Variants in DNAH7 observed in about 807,000 individuals in gnomAD.
DNAH7 encodes dynein axonemal heavy chain 7.
DNAH7 carries 397 observed loss-of-function variants against 444.6 expected under a neutral mutation model. The observed-to-expected ratio is 0.89, with a 90% confidence interval of 0.82 to 0.97. DNAH7 has a LOEUF of 0.97. Ranked by LOEUF, DNAH7 falls within the 50% of genes least tolerant of loss-of-function variation. The pLI is 0.00. For missense variants in DNAH7, 4,902 were observed against 4,800.8 expected, an observed-to-expected ratio of 1.02 and a Z score of -0.62; for synonymous variants, 1,636 against 1,624.4, an observed-to-expected ratio of 1.01 and a Z score of -0.17.
chr2:195,773,131 C>G (rs543563550), intron 60 of DNAH7, among the ~76,000 whole-genome samples: 1 of 152,038 alleles, frequency 6.6e-6, no homozygotes, highest in African/African-American at 2.4e-5. Context: ...ATATCCTATA[C>G]AGTTACACAA....
At chr2:195,811,028 CATATT>C (rs892903765) in intron 51 of DNAH7, among the ~76,000 whole-genome samples, 7 of 152,112 alleles carry the variant, frequency 4.6e-5, no homozygotes, top group South Asian at 2.1e-4. Flanking sequence ...AAAGGTTAAT[CATATT>C]ATAAGTTCAG....
intron 19 of DNAH7, among the ~76,000 whole-genome samples, chr2:195,948,574 T>G (rs369082341): frequency 6.6e-6 from 1 of 152,224 alleles, no homozygotes; most frequent in Non-Finnish European, 1.5e-5. Context: ...CTTGTTTTTG[T>G]CAGGTTTGTC....
chr2:195,747,193 A>G (rs934539242), intron 63 of DNAH7, among the ~76,000 whole-genome samples: 13 of 151,936 alleles, frequency 8.6e-5, no homozygotes, highest in African/African-American at 3.1e-4. Context: ...CAGAAATACA[A>G]ACTACCATCA....
At chr2:195,989,348 A>G (rs1327411794) in intron 12 of DNAH7, among the ~76,000 whole-genome samples, 8 of 152,180 alleles carry the variant, frequency 5.3e-5, no homozygotes, top group Non-Finnish European at 1.0e-4. Flanking sequence ...TTGTCAACAC[A>G]TCATCTTTTG....
chr2:196,017,800 T>C (rs1695124393), intron 9 of DNAH7, among the ~76,000 whole-genome samples: 1 of 152,082 alleles, frequency 6.6e-6, no homozygotes, highest in South Asian at 2.1e-4. Context: ...AAAAATAACC[T>C]TCAGGTGGTC....
At chr2:195,880,895 G>C (rs571681523) in intron 36 of DNAH7, among the ~76,000 whole-genome samples, 25 of 152,146 alleles carry the variant, frequency 1.6e-4, no homozygotes, top group Admixed American at 1.0e-3. Flanking sequence ...CAAAAGGCTT[G>C]CATTTTCCTC....
At chr2:195,950,994 C>T (rs919383958) in intron 19 of DNAH7, among the ~76,000 whole-genome samples, 2 of 148,340 alleles carry the variant, frequency 1.3e-5, no homozygotes, top group African/African-American at 4.9e-5. Context: ...AACTTGTTTG[C>T]TCTTGGTTCT....
chr2:195,853,433 T>C lies in DNAH7; in HGVS notation c.8691A>G (p.Leu2897=), dbSNP rs938150437. The change falls in exon 46 of 65, where the codon CTA becomes CTG. Residue 2897 remains leucine, a synonymous_variant. Transcript: ENST00000312428. ...CAGTCAAGTTGATGTACAGCTGACCTAGCTCCAGAGCTGTGTGGCTCCATC... is the reference window on the plus strand; with the variant it reads ...CAGTCAAGTTGATGTACAGCTGACCCAGCTCCAGAGCTGTGTGGCTCCATC... ...KTRWSHTALE[L]GQLYINLTGD... 5.6e-6 allele frequency: 9 copies of C among 1,614,042 alleles called. No homozygotes were observed. The highest frequency in any genetic ancestry group is 5.5e-5 in the South Asian group (5 of 91,088).
chr2:195,937,064 A>C (rs1187850019), intron 19 of DNAH7, among the ~76,000 whole-genome samples: 1 of 152,182 alleles, frequency 6.6e-6, no homozygotes, highest in Admixed American at 6.6e-5. Flanking sequence ...TGAGAGAGAG[A>C]GAACACTGCC....
At chr2:195,934,035 G>T (rs1688882310) in intron 21 of DNAH7, among the ~76,000 whole-genome samples, 1 of 151,788 alleles carries the variant, frequency 6.6e-6, no homozygotes, top group Non-Finnish European at 1.5e-5. Flanking sequence ...AAAACTGAGT[G>T]CTCAATCTTT....
chr2:195,966,893 T>A (rs4588206), intron 17 of DNAH7, among the ~76,000 whole-genome samples: 49,228 of 151,770 alleles, frequency 0.32, 10,443 homozygotes, highest in African/African-American at 0.61. Context: ...CTGTTTTTTT[T>A]AAAAAAACCA....
At chr2:195,965,583 C>T (rs1442178049) in intron 17 of DNAH7, among the ~76,000 whole-genome samples, 1 of 152,058 alleles carries the variant, frequency 6.6e-6, no homozygotes, top group African/African-American at 2.4e-5. Flanking sequence ...AGCAGTGAAG[C>T]CATTGGGTCC....
At chr2:195,988,360 T>C (rs1693067044) in intron 12 of DNAH7, 131 bp from the exon 13 acceptor site, 3 of 783,514 alleles carry the variant, frequency 3.8e-6, no homozygotes, top group Non-Finnish European at 5.6e-6. Flanking sequence ...CTGTTTAACC[T>C]CTAATCTATA....
In DNAH7 at chr2:195,884,674, G is replaced by T. The variant is rs1192996958; in HGVS notation, c.5674C>A (p.Gln1892Lys). ...SDRTRNTFKL[Q>K]SGTEQTSSKA... ...GAGGATGTTTGCTCAGTACCACTCT[G>T]TAATTTAAACGTATTTCGAGTTCGA... The change falls in exon 35 of 65, where the codon CAG becomes AAG. Residue 1892 changes from glutamine to lysine, a missense_variant. Gln to Lys is a moderately conservative substitution (Grantham distance 53, BLOSUM62 1). Transcript: ENST00000312428. 2 of 1,614,024 alleles carry T rather than the reference G, an allele frequency of 1.2e-6. No individual in the cohort carries two copies. Among genetic ancestry groups the T allele is most frequent in the East Asian group, 4.5e-5 (2 of 44,888 alleles).
chr2:195,749,435 G>C (rs1173048670), intron 63 of DNAH7, among the ~76,000 whole-genome samples: 1 of 152,012 alleles, frequency 6.6e-6, no homozygotes, highest in East Asian at 1.9e-4. Flanking sequence ...GATTCCTCAG[G>C]GTTCTAGAAC....
At chr2:195,914,383 C>A (rs957746286) in intron 24 of DNAH7, among the ~76,000 whole-genome samples, 14 of 152,226 alleles carry the variant, frequency 9.2e-5, no homozygotes, top group African/African-American at 2.9e-4. Context: ...ATTGTAAAAT[C>A]TATAAAGACT....
chr2:196,007,702 T>C (rs6752794), intron 10 of DNAH7, among the ~76,000 whole-genome samples: 1 of 151,974 alleles, frequency 6.6e-6, no homozygotes, highest in Non-Finnish European at 1.5e-5. Flanking sequence ...TTTATAAATG[T>C]GAGTTCCCCT....
At chr2:195,818,543 A>C (rs1697326246) in intron 49 of DNAH7, among the ~76,000 whole-genome samples, 1 of 152,210 alleles carries the variant, frequency 6.6e-6, no homozygotes. Flanking sequence ...ACAACAAACA[A>C]ATCATTCTAT....
Position 195,876,699 on chromosome 2 carries a change from T to A in DNAH7, c.5962A>T (p.Asn1988Tyr), listed in dbSNP as rs1701082858. ...TTATTTAGTTGATTTAAAAGAAAAT[T>A]CTATATAACAAAATAATAAAATGAG... The part of the protein sequence containing the change: ...TGTGKSVYIT[N>Y]FLLNQLNKEI... The change falls in exon 37 of 65, where the codon AAT becomes TAT. Residue 1988 changes from asparagine to tyrosine, a missense_variant and splice_region_variant. Transcript: ENST00000312428. 1.9e-6 allele frequency: 3 copies of A among 1,547,796 alleles called. No individual in the cohort carries two copies. The highest frequency in any genetic ancestry group is 2.7e-6 in the Non-Finnish European group (3 of 1,128,932).
Sources: allele counts gnomAD v4.1 joint callset (sites outside exome capture counted in the v4.1 genomes callset), GRCh38; gene constraint gnomAD v4.1.1; transcripts MANE v1.5; gene names NCBI Gene and HGNC (gene_info 2026-07-23, HGNC 2026-07-21).